The following CPEB2 variants were observed in gnomAD, a reference collection of about 807,000 sequenced individuals.
The protein encoded by CPEB2 is cytoplasmic polyadenylation element-binding protein 2.
CPEB2 carries 56 observed loss-of-function variants against 93.6 expected under a neutral mutation model. The observed-to-expected ratio is 0.60, with a 90% CI of 0.48 to 0.75. The LOEUF (loss-of-function observed/expected upper bound fraction) is 0.75. CPEB2 is among the 30% of genes least tolerant of loss of function. The pLI, the probability that CPEB2 is intolerant of heterozygous loss-of-function variation, is 0.00. For missense variants in CPEB2, 1,579 were observed against 1,395.1 expected, an observed-to-expected ratio of 1.13 and a Z score of -2.10; for synonymous variants, 764 against 586.3, an observed-to-expected ratio of 1.30 and a Z score of -4.38.
chr4:15,012,192 A>G (rs1041869839), intron 3 of CPEB2, among the ~76,000 whole-genome samples: 1 of 152,234 alleles, frequency 6.6e-6, no homozygotes, highest in African/African-American at 2.4e-5. Flanking sequence ...TGAAAATGGA[A>G]AAGAATGGAC....
intron 8 of CPEB2, 101 bp from the exon 9 acceptor site, chr4:15,058,316 AGTTT>A (rs758437760): frequency 2.6e-4 from 178 of 680,722 alleles, no homozygotes; most frequent in Admixed American, 5.9e-4. Context: ...CCTATTTGAT[AGTTT>A]GTTTTTTTTT....
rs1475821004 is a variant in CPEB2 at position 15,066,923 on chromosome 4, A to G, written c.*543A>G. 3 of 153,654 alleles carry G rather than the reference A, an allele frequency of 2.0e-5. No homozygotes were observed. Among genetic ancestry groups the G allele is most frequent in the Non-Finnish European group, 4.4e-5 (3 of 68,820 alleles). The allele number at this position is 153,654 out of a possible 1,614,324, so 9.5% of individuals were successfully genotyped here. On this transcript the variant is annotated 3_prime_UTR_variant, in exon 12 of 12. Transcript: ENST00000538197. ...CTTGCAAGAAATAATACCTCAAGATAATCTGATTTATTAGCTATTTTTAAA... is the reference window on the plus strand; with the variant it reads ...CTTGCAAGAAATAATACCTCAAGATGATCTGATTTATTAGCTATTTTTAAA...
chr4:15,053,562 A>C (rs1374734069), intron 7 of CPEB2, among the ~76,000 whole-genome samples: 3 of 152,236 alleles, frequency 2.0e-5, no homozygotes, highest in Non-Finnish European at 4.4e-5. Flanking sequence ...TGATTCAGAT[A>C]TCCACAAACT....
At chr4:15,041,350 A>T (rs1350138554) in intron 6 of CPEB2, among the ~76,000 whole-genome samples, 1 of 152,108 alleles carries the variant, frequency 6.6e-6, no homozygotes, top group South Asian at 2.1e-4. Context: ...TTTGACCTCT[A>T]AAAATCTCCC....
chr4:15,055,134 T>C (rs1036995283), intron 8 of CPEB2, among the ~76,000 whole-genome samples: 2 of 152,220 alleles, frequency 1.3e-5, no homozygotes, highest in African/African-American at 4.8e-5. Flanking sequence ...ATATCTACTT[T>C]CTGCCATTGA....
In CPEB2 at chr4:15,003,272, C is replaced by T. The variant is rs965582476; in HGVS notation, c.599C>T (p.Pro200Leu). 36 of 1,524,842 alleles carry T rather than the reference C, an allele frequency of 2.4e-5. No individual in the cohort carries two copies. Among genetic ancestry groups the T allele is most frequent in the Non-Finnish European group, 3.0e-5 (34 of 1,142,034 alleles). 94.5% of individuals were successfully genotyped at this position (1,524,842 alleles called of 1,614,324 possible). The change falls in exon 1 of 12, where the codon CCG (proline) becomes CTG (leucine). Residue 200 changes from proline (P) to leucine (L), a missense_variant. This residue lies in a region of CPEB2 where 1,411 missense variants were observed against 1,056.0 expected (regional missense o/e 1.34). Coordinates refer to ENST00000538197, the MANE Select transcript of CPEB2 (RefSeq NM_001177382.2). ...GACTCGAAGCCGCCGCCGCCGCCTC[C>T]GCCGCTCCACTGCCCCGGTCGGTTC... ...PPDSKPPPPP[P>L]PLHCPGRFSP... is the part of the protein sequence containing the mutation.
chr4:15,055,972 C>G (rs1434837348), intron 8 of CPEB2, among the ~76,000 whole-genome samples: 5 of 152,200 alleles, frequency 3.3e-5, no homozygotes, highest in Non-Finnish European at 7.4e-5. Flanking sequence ...CTGCCCAACT[C>G]CTAGTGCTGT....
rs1729946038 is a variant in CPEB2, at chr4:15,069,639, TTAA to T, written c.*3262_*3264del. On this transcript the variant is annotated 3_prime_UTR_variant, in exon 12 of 12. Coordinates refer to ENST00000538197, the MANE Select transcript of CPEB2 (RefSeq NM_001177382.2). Reference sequence around the variant, plus strand: ...GGAATAATTTTTCATATTCTTGTCATTAATATTATTTTGTATTTTTATGTGGAA... The same window carrying T: ...GGAATAATTTTTCATATTCTTGTCATTATTATTTTGTATTTTTATGTGGAA... 6.6e-6 allele frequency: 1 copy of T among 152,154 alleles called. No homozygotes were observed. Among genetic ancestry groups the T allele is most frequent in the African/African-American group, 2.4e-5 (1 of 41,406 alleles). The allele number at this position is 152,154 out of a possible 1,614,324, so 9.4% of individuals were successfully genotyped here. A position where few individuals can be genotyped will look rare whatever the true frequency, so the allele number is the denominator to read the frequency against.
At position 15,061,981 on chromosome 4, in the gene CPEB2, T is replaced by C. The variant is rs961418537; in HGVS notation, c.2696-98T>C. On this transcript the variant is annotated intron_variant, in intron 10 of 11. Transcript: ENST00000538197. ...TGCCATTCTACTCCTGGTCAAATGA[T>C]AATATACTATTGACTTTTACGTTTT... 3.6e-6 allele frequency: 4 copies of C among 1,123,368 alleles called. No homozygotes were observed. In the African/African-American group the frequency reaches 4.7e-5, roughly 13 times the overall value. 69.6% of individuals were successfully genotyped at this position (1,123,368 alleles called of 1,614,324 possible). A position where few individuals can be genotyped will look rare whatever the true frequency, so the allele number is the denominator to read the frequency against.
intron 1 of CPEB2, among the ~76,000 whole-genome samples, chr4:15,006,204 C>T (rs1203201084): frequency 6.6e-6 from 1 of 152,072 alleles, no homozygotes; most frequent in East Asian, 1.9e-4. Flanking sequence ...TAATAATATA[C>T]TCATGATTAT....
At chr4:15,062,953 T>A (rs1251374605) in intron 11 of CPEB2, among the ~76,000 whole-genome samples, 1 of 152,102 alleles carries the variant, frequency 6.6e-6, no homozygotes, top group Non-Finnish European at 1.5e-5. Context: ...TAGCATTCAT[T>A]TACAAATCTA....
Position 15,004,310 on chromosome 4 carries a change from A to G in CPEB2, c.1637A>G (p.Gln546Arg), listed in dbSNP as rs1234924024. ...GCGGCGGCCGCCGCCTTCCTGCAGC[A>G]GAGGAACTCCTATAACCACCACCAG... Reference protein sequence around the residue: ...HQAAAAAFLQQRNSYNHHQPL... With the variant: ...HQAAAAAFLQRRNSYNHHQPL... Residue 546 changes from glutamine to arginine, a missense_variant, in exon 1 of 12, where the codon CAG (glutamine) becomes CGG (arginine). Gln to Arg is a conservative substitution (Grantham distance 43). This residue lies in a region of CPEB2 where 1,411 missense variants were observed against 1,056.0 expected (regional missense o/e 1.34). Transcript: ENST00000538197. 1 of 1,487,822 alleles carries G rather than the reference A, an allele frequency of 6.7e-7. No homozygotes were observed. Among genetic ancestry groups the G allele is most frequent in the Non-Finnish European group, 8.9e-7 (1 of 1,126,646 alleles). 92.2% of individuals were successfully genotyped at this position (1,487,822 alleles called of 1,614,324 possible).
chr4:15,017,242 A>T lies in CPEB2; in HGVS notation c.2089A>T (p.Ile697Phe). ...LNMHSLENSL[I>F]DIMRAEHDPL... is the part of the protein sequence containing the mutation. The stretch of plus-strand genomic sequence containing the variant: ...TATGCACTCTTTGGAAAATTCCCTT[A>T]TCGATATTATGAGAGCAGAGCATGA... The change falls in exon 4 of 12, where the codon ATC (isoleucine) becomes TTC (phenylalanine). Residue 697 changes from isoleucine to phenylalanine, a missense_variant. Coordinates refer to ENST00000538197, the MANE Select transcript of CPEB2 (RefSeq NM_001177382.2). 1 of 1,602,462 alleles carries T rather than the reference A, an allele frequency of 6.2e-7. No homozygotes were observed. Among genetic ancestry groups the T allele is most frequent in the Non-Finnish European group, 8.5e-7 (1 of 1,171,548 alleles).
At chr4:15,030,290 T>A (rs567230853) in intron 4 of CPEB2, among the ~76,000 whole-genome samples, 1 of 152,236 alleles carries the variant, frequency 6.6e-6, no homozygotes, top group Non-Finnish European at 1.5e-5. Flanking sequence ...ATAAAGTAAT[T>A]ATTAAGATAG....
At chr4:15,006,654 C>T (rs999247803) in intron 1 of CPEB2, 2 of 152,100 alleles carry the variant, frequency 1.3e-5, no homozygotes, top group African/African-American at 4.8e-5. Flanking sequence ...AATTGCTTCA[C>T]AGTTTATGGA....
chr4:15,016,839 A>G (rs1724206292), intron 3 of CPEB2, among the ~76,000 whole-genome samples: 1 of 152,000 alleles, frequency 6.6e-6, no homozygotes, highest in East Asian at 1.9e-4. Flanking sequence ...ATGTGAGAAA[A>G]GTTTTGAAAT....
chr4:15,064,083 C>A, intron 11 of CPEB2, among the ~76,000 whole-genome samples: 1 of 151,982 alleles, frequency 6.6e-6, no homozygotes, highest in Non-Finnish European at 1.5e-5. Context: ...ACTTATTTGG[C>A]GGGAATGAAA....
Position 15,003,844 on chromosome 4 carries a change from C to A in CPEB2, c.1171C>A (p.Pro391Thr). Residue 391 changes from proline (P) to threonine (T), a missense_variant, in exon 1 of 12, where the codon CCA (proline) becomes ACA (threonine). Transcript: ENST00000538197. Reference sequence around the variant, plus strand: ...CTGGTCGGTGCAGACCGCGTCGCCGCCACCCCAGCCCCAGCAGCCGCCGCC... The same window carrying A: ...CTGGTCGGTGCAGACCGCGTCGCCGACACCCCAGCCCCAGCAGCCGCCGCC... ...TPWSVQTASP[P>T]PQPQQPPPTQ... 1 of 886,324 alleles carries A rather than the reference C, an allele frequency of 1.1e-6. No individual in the cohort carries two copies. Among genetic ancestry groups the A allele is most frequent in the Non-Finnish European group, 1.5e-6 (1 of 673,062 alleles). The allele number at this position is 886,324 out of a possible 1,614,324, so 54.9% of individuals were successfully genotyped here.
intron 3 of CPEB2, among the ~76,000 whole-genome samples, chr4:15,010,900 ATAAG>A (rs1437109982): frequency 2.0e-5 from 3 of 152,166 alleles, no homozygotes; most frequent in African/African-American, 7.2e-5. Flanking sequence ...AATTCAATAA[ATAAG>A]AAAGAGCTAG....
Sources: gnomAD v4.1 joint callset for allele counts (sites outside exome capture counted in the v4.1 genomes callset) on GRCh38, gnomAD v4.1.1 for gene constraint, gnomAD v4.1.1 regional missense constraint, MANE v1.5 for transcripts, NCBI Gene and HGNC (gene_info 2026-07-23, HGNC 2026-07-21) for gene names.